Variants in CEP112 observed in about 807,000 individuals in gnomAD.
The protein encoded by CEP112 is centrosomal protein 112, also known as centrosomal protein of 112 kDa.
Under a neutral mutation model 153.0 loss-of-function variants are expected in CEP112, and 127 were observed. The ratio of observed to expected loss-of-function variants is 0.83; its 90% CI spans 0.72 to 0.96. The LOEUF (loss-of-function observed/expected upper bound fraction) is 0.96, where lower values mean the gene tolerates loss of function less well. Among genes scored for constraint, CEP112 ranks in the 40% least tolerant of loss-of-function variants. CEP112 has a pLI of 0.00. For missense variants in CEP112, 1,089 were observed against 1,101.2 expected, an observed-to-expected ratio of 0.99 and a Z score of 0.16; for synonymous variants, 358 against 374.4, an observed-to-expected ratio of 0.96 and a Z score of 0.51.
intron 17 of CEP112, among the ~76,000 whole-genome samples, chr17:66,004,861 C>A (rs953798094): frequency 3.3e-5 from 5 of 152,174 alleles, no homozygotes; most frequent in Non-Finnish European, 7.3e-5. Context: ...TACTGATTCT[C>A]TGGGAGTTAG....
intron 21 of CEP112, among the ~76,000 whole-genome samples, chr17:65,787,268 C>T (rs1407394500): frequency 3.3e-5 from 5 of 152,132 alleles, no homozygotes; most frequent in African/African-American, 1.2e-4. Flanking sequence ...CTGCGTGAAG[C>T]CAGGAGTTCA....
chr17:65,795,611 A>G (rs772141507), intron 21 of CEP112, among the ~76,000 whole-genome samples: 40 of 152,158 alleles, frequency 2.6e-4, no homozygotes, highest in South Asian at 4.1e-4. Flanking sequence ...CAGGAGTTCA[A>G]GACCAGCCTG....
intron 12 of CEP112, among the ~76,000 whole-genome samples, chr17:66,047,155 T>A (rs2066246418): frequency 6.6e-6 from 1 of 152,164 alleles, no homozygotes; most frequent in Non-Finnish European, 1.5e-5. Flanking sequence ...CTCCCTCTGT[T>A]GCCCAGGCTG....
intron 12 of CEP112, among the ~76,000 whole-genome samples, chr17:66,040,902 C>T (rs773273040): frequency 1.8e-4 from 27 of 151,828 alleles, no homozygotes; most frequent in Non-Finnish European, 3.4e-4. Context: ...TTTAAGAAAC[C>T]TTTGACTAGT....
At chr17:66,180,923 T>A (rs1268377130) in intron 2 of CEP112, among the ~76,000 whole-genome samples, 1 of 152,190 alleles carries the variant, frequency 6.6e-6, no homozygotes, top group Non-Finnish European at 1.5e-5. Flanking sequence ...GCCTTTAAAA[T>A]TTTTTGTATT....
intron 17 of CEP112, among the ~76,000 whole-genome samples, chr17:65,985,336 A>G (rs1170732114): frequency 6.6e-6 from 1 of 152,186 alleles, no homozygotes; most frequent in African/African-American, 2.4e-5. Context: ...CCTATAAATT[A>G]ACAAAATACA....
At chr17:66,122,065 T>C (rs1313382641) in intron 6 of CEP112, among the ~76,000 whole-genome samples, 4 of 152,066 alleles carry the variant, frequency 2.6e-5, no homozygotes, top group African/African-American at 7.2e-5. Flanking sequence ...CAAATAATTT[T>C]TTGTATTTTT....
At chr17:66,004,471 A>G (rs1019649518) in intron 17 of CEP112, among the ~76,000 whole-genome samples, 1 of 152,162 alleles carries the variant, frequency 6.6e-6, no homozygotes, top group Admixed American at 6.5e-5. Flanking sequence ...AGCCTGGGTG[A>G]CAGAGTGAGA....
chr17:66,181,326 T>G (rs1191516606), intron 2 of CEP112, among the ~76,000 whole-genome samples: 1 of 152,210 alleles, frequency 6.6e-6, no homozygotes, highest in African/African-American at 2.4e-5. Flanking sequence ...AAGATTATAA[T>G]TAATGAATTC....
chr17:65,737,674 C>T (rs967495642), intron 23 of CEP112, among the ~76,000 whole-genome samples: 1 of 152,192 alleles, frequency 6.6e-6, no homozygotes, highest in African/African-American at 2.4e-5. Context: ...CCAGCTCTGC[C>T]TTCCCCTTCC....
intron 4 of CEP112, among the ~76,000 whole-genome samples, chr17:66,145,636 G>A (rs2146641759): frequency 6.6e-6 from 1 of 152,160 alleles, no homozygotes; most frequent in South Asian, 2.1e-4. Flanking sequence ...AAATGACCAT[G>A]TATATGAGGG....
intron 24 of CEP112, among the ~76,000 whole-genome samples, chr17:65,687,618 GAC>G (rs2047881185): frequency 6.6e-6 from 1 of 151,988 alleles, no homozygotes. Context: ...ATATACATAT[GAC>G]ACAGAGTTCA....
At chr17:66,003,662 C>T (rs538110090) in intron 17 of CEP112, among the ~76,000 whole-genome samples, 2 of 152,314 alleles carry the variant, frequency 1.3e-5, no homozygotes, top group South Asian at 2.1e-4. Context: ...AACCCCTGGG[C>T]ACCATACAGG....
chr17:65,772,697 G>A (rs543665266), intron 21 of CEP112, among the ~76,000 whole-genome samples: 1 of 152,092 alleles, frequency 6.6e-6, no homozygotes, highest in East Asian at 1.9e-4. Context: ...GACCTTCTCC[G>A]GGTTAGGCAC....
At chr17:65,829,463 C>T (rs1261565886) in intron 21 of CEP112, among the ~76,000 whole-genome samples, 2 of 152,058 alleles carry the variant, frequency 1.3e-5, no homozygotes, top group Non-Finnish European at 2.9e-5. Context: ...TTCTATTGTC[C>T]TCCCCTCAAA....
At chr17:66,176,583 G>A (rs917583964) in intron 3 of CEP112, 28 of 304,614 alleles carry the variant, frequency 9.2e-5, no homozygotes, top group African/African-American at 1.7e-4. Context: ...AAAAAATTTC[G>A]TTTTCAGTTT....
At chr17:65,782,433 A>G (rs1229541817) in intron 21 of CEP112, among the ~76,000 whole-genome samples, 1 of 152,168 alleles carries the variant, frequency 6.6e-6, no homozygotes, top group Non-Finnish European at 1.5e-5. Flanking sequence ...CAGTTTGGAG[A>G]TTTCTCAAAG....
chr17:66,106,844 A>G (rs2068805221), intron 6 of CEP112, among the ~76,000 whole-genome samples: 1 of 152,156 alleles, frequency 6.6e-6, no homozygotes, highest in South Asian at 2.1e-4. Flanking sequence ...CACCAAAAAA[A>G]GAAAACTACA....
At chr17:65,780,293 C>G (rs2053926027) in intron 21 of CEP112, among the ~76,000 whole-genome samples, 1 of 152,004 alleles carries the variant, frequency 6.6e-6, no homozygotes, top group African/African-American at 2.4e-5. Context: ...AACTGTGAAA[C>G]AAGCTTATGG....
Sources: gnomAD v4.1 joint callset for allele counts (sites outside exome capture counted in the v4.1 genomes callset) on GRCh38, gnomAD v4.1.1 for gene constraint, MANE v1.5 for transcripts, NCBI Gene and HGNC (gene_info 2026-07-23, HGNC 2026-07-21) for gene names.